FANCF: variants seen among roughly 807,000 people sequenced by gnomAD.
FANCF encodes the protein FA complementation group F.
For synonymous variants in FANCF, 257 were observed against 205.9 expected (o/e 1.25, Z -2.13); for missense variants, 552 against 481.8 (o/e 1.15, Z -1.36).
chr11:22,625,049 G>T lies in FANCF; in HGVS notation c.762C>A (p.Ala254=), dbSNP rs1230699102. Reference sequence around the variant, plus strand: ...CTAAAGTCAAAAGCCCGGCTGGGAGGGCGCGACAAAAGGCAGCAAAGACTT... The same window carrying T: ...CTAAAGTCAAAAGCCCGGCTGGGAGTGCGCGACAAAAGGCAGCAAAGACTT... ...NSEVFAAFCR[A]LPAGLLTLVT... Residue 254 remains alanine (A), a synonymous_variant, in exon 1 of 1, where the codon GCC becomes GCA. Coordinates refer to ENST00000327470, the MANE Select transcript of FANCF (RefSeq NM_022725.4). 6.2e-7 allele frequency: 1 copy of T among 1,614,148 alleles called. No individual in the cohort carries two copies. The highest frequency in any genetic ancestry group is 8.5e-7 in the Non-Finnish European group (1 of 1,179,992).
Position 22,624,361 on chromosome 11 carries a change from TTTTG to T in FANCF, c.*321_*324del, listed in dbSNP as rs1311502346. On this transcript the variant is annotated 3_prime_UTR_variant, in exon 1 of 1. Coordinates refer to ENST00000327470, the MANE Select transcript of FANCF (RefSeq NM_022725.4). ...AAACCATACTAAAAGAAAAAGGGTA[TTTTG>T]TTTGTCACTTTAAAGCTGCTTTTTC... 2.2e-5 allele frequency: 8 copies of T among 358,914 alleles called. No individual in the cohort carries two copies. Among genetic ancestry groups the T allele is most frequent in the South Asian group, 8.0e-5 (2 of 25,036 alleles). The allele number at this position is 358,914 out of a possible 1,614,324, so 22.2% of individuals were successfully genotyped here.
rs1858613638 is a variant in FANCF, at chr11:22,624,722, T to G, written c.1089A>C (p.Gln363His). The change falls in exon 1 of 1, where the codon CAA becomes CAC. Residue 363 changes from glutamine to histidine, a missense_variant. Gln to His is a conservative substitution (Grantham distance 24, BLOSUM62 0). Transcript: ENST00000327470. Reference sequence around the variant, plus strand: ...TGAGGCCTGCGCTGAGACCCAAAACTTGTCTTTTCCTAAATGCACCACTAC... The same window carrying G: ...TGAGGCCTGCGCTGAGACCCAAAACGTGTCTTTTCCTAAATGCACCACTAC... ...ALRSGAFRKRQVLGLSAGLSS... is the reference protein window; with the variant it reads ...ALRSGAFRKRHVLGLSAGLSS... The G allele has an allele frequency of 2.5e-6, 4 of 1,614,148 alleles. No homozygotes were observed. The highest frequency in any genetic ancestry group is 1.7e-5 in the Admixed American group (1 of 60,022).
Position 22,624,565 on chromosome 11 carries a change from T to C in FANCF, c.*121A>G. Reference sequence around the variant, plus strand: ...TATTTATAACTGTTTAATAAACTATTCAAAATTAGCATCTAAAATAATTAT... The same window carrying C: ...TATTTATAACTGTTTAATAAACTATCCAAAATTAGCATCTAAAATAATTAT... On this transcript the variant is annotated 3_prime_UTR_variant, in exon 1 of 1. Coordinates refer to ENST00000327470, the MANE Select transcript of FANCF (RefSeq NM_022725.4). 1 of 896,678 alleles carries C rather than the reference T, an allele frequency of 1.1e-6. No homozygotes were observed. Among genetic ancestry groups the C allele is most frequent in the African/African-American group, 1.7e-5 (1 of 59,466 alleles). The allele number at this position is 896,678 out of a possible 1,614,324, so 55.5% of individuals were successfully genotyped here. A position where few individuals can be genotyped will look rare whatever the true frequency, so the allele number is the denominator to read the frequency against.
In FANCF at chr11:22,625,547, GTGA is replaced by G. The variant is rs886048158; in HGVS notation, c.261_263del (p.His88del). 6.2e-7 allele frequency: 1 copy of G among 1,614,160 alleles called. No homozygotes were observed. Among genetic ancestry groups the G allele is most frequent in the Non-Finnish European group, 8.5e-7 (1 of 1,180,040 alleles). ...GGCGCAGAGAGAGCAGGACGTCACA[GTGA>G]CCGAGGGCCTGGAAGTTCGCTAATC... is the stretch of plus-strand genomic sequence containing the variant. On this transcript the variant is annotated inframe_deletion, in exon 1 of 1. Transcript: ENST00000327470.
chr11:22,624,819 G>A lies in FANCF; in HGVS notation c.992C>T (p.Thr331Ile), dbSNP rs1250903119. The change falls in exon 1 of 1, where the codon ACC becomes ATC. Residue 331 changes from threonine to isoleucine, a missense_variant. Transcript: ENST00000327470. ...AAAATCTCCATCCTGCGCTTTACAG[G>A]TCTCCAGGGCAGTTAGAACTTTATC... ...LKDKVLTALE[T>I]CKAQDGDFEV... The A allele has an allele frequency of 1.9e-6, 3 of 1,614,144 alleles. No individual in the cohort carries two copies. Among genetic ancestry groups the A allele is most frequent in the East Asian group, 4.5e-5 (2 of 44,872 alleles).
Position 22,625,686 on chromosome 11 carries a change from C to T in FANCF, c.125G>A (p.Arg42His). 6.2e-7 allele frequency: 1 copy of T among 1,614,006 alleles called. No homozygotes were observed. Among genetic ancestry groups the T allele is most frequent in the Non-Finnish European group, 8.5e-7 (1 of 1,179,998 alleles). The change falls in exon 1 of 1, where the codon CGC becomes CAC. Residue 42 changes from arginine (R) to histidine (H), a missense_variant. By Grantham distance (29) the Arg-to-His change is conservative (BLOSUM62 0). Coordinates refer to ENST00000327470, the MANE Select transcript of FANCF (RefSeq NM_022725.4). ...RRALQWARYL[R>H]HIHRRFGRHG... is the part of the protein sequence containing the mutation. ...CCGACCAAAGCGCCGATGGATGTGGCGCAGGTAGCGCGCCCACTGCAAGGC... is the reference window on the plus strand; with the variant it reads ...CCGACCAAAGCGCCGATGGATGTGGTGCAGGTAGCGCGCCCACTGCAAGGC...
rs535948568 is a variant in FANCF, at chr11:22,622,718, T to C, written c.*1968A>G. 3.6e-4 allele frequency: 70 copies of C among 192,316 alleles called. No homozygotes were observed. Among genetic ancestry groups the C allele is most frequent in the African/African-American group, 1.4e-3 (61 of 43,244 alleles). The allele number at this position is 192,316 out of a possible 1,614,324, so 11.9% of individuals were successfully genotyped here. On this transcript the variant is annotated 3_prime_UTR_variant, in exon 1 of 1. Coordinates refer to ENST00000327470, the MANE Select transcript of FANCF (RefSeq NM_022725.4). Reference sequence around the variant, plus strand: ...ATGACAGATACGGCTTCCACTTTCATGTTGCTTTTGTTTATACCCTTGGGC... The same window carrying C: ...ATGACAGATACGGCTTCCACTTTCACGTTGCTTTTGTTTATACCCTTGGGC...
At position 22,625,170 on chromosome 11, in the gene FANCF, A is replaced by G. The variant is rs769318926; in HGVS notation, c.641T>C (p.Leu214Ser). The change falls in exon 1 of 1, where the codon TTG becomes TCG. Residue 214 changes from leucine to serine, a missense_variant. Transcript: ENST00000327470. ...CAACTCTTCTTGGGGCCGACGAGAC[A>G]AAGGCGGCTGCAACAGCGCCACCGC... is the stretch of plus-strand genomic sequence containing the variant. ...VIAVALLQPP[L>S]SRRPQEELEP... The G allele has an allele frequency of 2.5e-6, 4 of 1,609,404 alleles. No individual in the cohort carries two copies. Among genetic ancestry groups the G allele is most frequent in the African/African-American group, 2.7e-5 (2 of 74,646 alleles).
Position 22,624,682 on chromosome 11 carries a change from T to C in FANCF, c.*4A>G, listed in dbSNP as rs544124149. ...TCTATATTCAAGTAATAACACAGCA[T>C]TGCCTATACAGAACTGAGGCCTGCG... On this transcript the variant is annotated 3_prime_UTR_variant, in exon 1 of 1. Transcript: ENST00000327470. 2 of 1,613,492 alleles carry C rather than the reference T, an allele frequency of 1.2e-6. No individual in the cohort carries two copies. Among genetic ancestry groups the C allele is most frequent in the South Asian group, 2.2e-5 (2 of 91,078 alleles).
Position 22,625,694 on chromosome 11 carries a change from G to A in FANCF, c.117C>T (p.Arg39=). 1 of 1,614,070 alleles carries A rather than the reference G, an allele frequency of 6.2e-7. No individual in the cohort carries two copies. The highest frequency in any genetic ancestry group is 8.5e-7 in the Non-Finnish European group (1 of 1,180,014). ...ATVRRALQWA[R]YLRHIHRRFG... is the part of the protein sequence containing the mutation. Reference sequence around the variant, plus strand: ...AGCGCCGATGGATGTGGCGCAGGTAGCGCGCCCACTGCAAGGCCCGGCGCA... The same window carrying A: ...AGCGCCGATGGATGTGGCGCAGGTAACGCGCCCACTGCAAGGCCCGGCGCA... The change falls in exon 1 of 1, where the codon CGC becomes CGT. Residue 39 remains arginine, a synonymous_variant. Coordinates refer to ENST00000327470, the MANE Select transcript of FANCF (RefSeq NM_022725.4).
chr11:22,625,139 G>A lies in FANCF; in HGVS notation c.672C>T (p.Pro224=), dbSNP rs148955347. ...CCTCTCCAGGTGATTTGTGGATGCC[G>A]GGTTCCAACTCTTCTTGGGGCCGAC... The part of the protein sequence containing the change: ...LSRRPQEELE[P]GIHKSPGEGS... The change falls in exon 1 of 1, where the codon CCC becomes CCT. Residue 224 remains proline (P), a synonymous_variant. Transcript: ENST00000327470. 134 of 1,607,686 alleles carry A rather than the reference G, an allele frequency of 8.3e-5. No individual in the cohort carries two copies. The African/African-American group carries it at 1.6e-3, about 20-fold the overall frequency.
Position 22,623,120 on chromosome 11 carries a change from C to T in FANCF, c.*1566G>A, listed in dbSNP as rs1858581923. The T allele has an allele frequency of 9.5e-6, 2 of 210,470 alleles. No homozygotes were observed. The highest frequency in any genetic ancestry group is 3.7e-4 in the South Asian group (2 of 5,350). 13.0% of individuals were successfully genotyped at this position (210,470 alleles called of 1,614,324 possible). A position where few individuals can be genotyped will look rare whatever the true frequency, so the allele number is the denominator to read the frequency against. On this transcript the variant is annotated 3_prime_UTR_variant, in exon 1 of 1. Coordinates refer to ENST00000327470, the MANE Select transcript of FANCF (RefSeq NM_022725.4). ...TGATAAATGTAATCTACAAGATGGC[C>T]TTCATGGATTAGAAAAAGGAATCAG...
chr11:22,625,420 C>T lies in FANCF; in HGVS notation c.391G>A (p.Glu131Lys). 1 of 1,614,154 alleles carries T rather than the reference C, an allele frequency of 6.2e-7. No homozygotes were observed. Among genetic ancestry groups the T allele is most frequent in the Non-Finnish European group, 8.5e-7 (1 of 1,179,998 alleles). ...VRDADEETLQ[E>K]SLARLARRRS... ...CGGCGGGCAAGGCGGGCCAGGCTCT[C>T]TTGGAGTGTCTCCTCATCGGCGTCC... The change falls in exon 1 of 1, where the codon GAG becomes AAG. Residue 131 changes from glutamate to lysine, a missense_variant. Coordinates refer to ENST00000327470, the MANE Select transcript of FANCF (RefSeq NM_022725.4).
In FANCF at chr11:22,625,362, C is replaced by T. The variant is rs1163436167; in HGVS notation, c.449G>A (p.Gly150Asp). The change falls in exon 1 of 1, where the codon GGC becomes GAC. Residue 150 changes from glycine to aspartate, a missense_variant. Coordinates refer to ENST00000327470, the MANE Select transcript of FANCF (RefSeq NM_022725.4). ...RSAVHMLRFN[G>D]YRENPNLQED... ...CTGGAGATTTGGGTTCTCTCTATAG[C>T]CATTGAAGCGCAGCATGTGCACCGC... 2.5e-6 allele frequency: 4 copies of T among 1,614,222 alleles called. No homozygotes were observed. The highest frequency in any genetic ancestry group is 2.2e-5 in the East Asian group (1 of 44,878).
At position 22,625,607 on chromosome 11, in the gene FANCF, T is replaced by A. The variant is rs903614523; in HGVS notation, c.204A>T (p.Gln68His). 4 of 1,613,760 alleles carry A rather than the reference T, an allele frequency of 2.5e-6. No homozygotes were observed. The highest frequency in any genetic ancestry group is 3.4e-6 in the Non-Finnish European group (4 of 1,179,960). The change falls in exon 1 of 1, where the codon CAA becomes CAT. Residue 68 changes from glutamine to histidine, a missense_variant. By Grantham distance (24) the Gln-to-His change is conservative. Coordinates refer to ENST00000327470, the MANE Select transcript of FANCF (RefSeq NM_022725.4). ...CTGGACCCCGCCCAAAGCCGCCCTCTTGCCTCCACTGGTTGTGCAGCCGCC... is the reference window on the plus strand; with the variant it reads ...CTGGACCCCGCCCAAAGCCGCCCTCATGCCTCCACTGGTTGTGCAGCCGCC... ...LERRLHNQWR[Q>H]EGGFGRGPVP...
In FANCF at chr11:22,625,716, C is replaced by T. The variant is rs996275860; in HGVS notation, c.95G>A (p.Arg32His). 12 of 1,614,014 alleles carry T rather than the reference C, an allele frequency of 7.4e-6. No homozygotes were observed. The highest frequency in any genetic ancestry group is 1.7e-5 in the Admixed American group (1 of 60,010). ...YVSTWDPATV[R>H]RALQWARYLR... ...GTAGCGCGCCCACTGCAAGGCCCGG[C>T]GCACGGTGGCGGGGTCCCAGGTGCT... Residue 32 changes from arginine to histidine, a missense_variant, in exon 1 of 1, where the codon CGC (arginine) becomes CAC (histidine). By Grantham distance (29) the Arg-to-His change is conservative (BLOSUM62 0). Coordinates refer to ENST00000327470, the MANE Select transcript of FANCF (RefSeq NM_022725.4).
chr11:22,623,723 G>A lies in FANCF; in HGVS notation c.*963C>T, dbSNP rs1590539216. On this transcript the variant is annotated 3_prime_UTR_variant, in exon 1 of 1. Coordinates refer to ENST00000327470, the MANE Select transcript of FANCF (RefSeq NM_022725.4). Reference sequence around the variant, plus strand: ...TTAAAATGTTGTTTTGGCCAGGCGCGGTGGCTCACGCCTGTAATCCCAGCA... The same window carrying A: ...TTAAAATGTTGTTTTGGCCAGGCGCAGTGGCTCACGCCTGTAATCCCAGCA... 13 of 182,620 alleles carry A rather than the reference G, an allele frequency of 7.1e-5. No individual in the cohort carries two copies. The East Asian group carries it at 1.2e-3, about 16-fold the overall frequency. The allele number at this position is 182,620 out of a possible 1,614,324, so 11.3% of individuals were successfully genotyped here.
Position 22,625,426 on chromosome 11 carries a change from G to C in FANCF, c.385C>G (p.Leu129Val), listed in dbSNP as rs61753271. ...GCAAGGCGGGCCAGGCTCTCTTGGA[G>C]TGTCTCCTCATCGGCGTCCCGGACG... ...PGVRDADEET[L>V]QESLARLARR... is the part of the protein sequence containing the mutation. Residue 129 changes from leucine (L) to valine (V), a missense_variant, in exon 1 of 1, where the codon CTC (leucine) becomes GTC (valine). Coordinates refer to ENST00000327470, the MANE Select transcript of FANCF (RefSeq NM_022725.4). 5.5e-4 allele frequency: 889 copies of C among 1,614,138 alleles called. No homozygotes were observed. The highest frequency in any genetic ancestry group is 6.5e-4 in the Non-Finnish European group (772 of 1,179,998).
At position 22,624,708 on chromosome 11, in the gene FANCF, C is replaced by T; in HGVS notation, c.1103G>A (p.Ser368Asn). Residue 368 changes from serine (S) to asparagine (N), a missense_variant, in exon 1 of 1, where the codon AGC becomes AAC. Coordinates refer to ENST00000327470, the MANE Select transcript of FANCF (RefSeq NM_022725.4). ...AFRKRQVLGLSAGLSSV is the reference protein window; with the variant it reads ...AFRKRQVLGLNAGLSSV The stretch of plus-strand genomic sequence containing the variant: ...TGCCTATACAGAACTGAGGCCTGCG[C>T]TGAGACCCAAAACTTGTCTTTTCCT... 2 of 1,614,182 alleles carry T rather than the reference C, an allele frequency of 1.2e-6. No individual in the cohort carries two copies.
Sources: gnomAD v4.1 joint callset for allele counts on GRCh38, gnomAD v4.1.1 for gene constraint, MANE v1.5 for transcripts, NCBI Gene and HGNC (gene_info 2026-07-23, HGNC 2026-07-21) for gene names.